SUPT3H: variants seen among roughly 807,000 people sequenced by gnomAD.
The protein encoded by SUPT3H is SPT3 homolog, SAGA and STAGA complex component, also known as transcription initiation protein SPT3 homolog.
SUPT3H carries 44 observed loss-of-function variants against 44.3 expected under a neutral mutation model. That is an observed-to-expected ratio of 0.99 (90% CI 0.78 to 1.28). The LOEUF (loss-of-function observed/expected upper bound fraction) is 1.28. Ranked by LOEUF, SUPT3H falls within the 50% of genes most tolerant of loss-of-function variation. The probability of loss-of-function intolerance (pLI) is 0.00; values close to 1 mark genes in which losing one functional copy is unlikely to be tolerated. For missense variants in SUPT3H, 380 were observed against 387.1 expected (o/e 0.98, Z 0.15); for synonymous variants, 124 against 125.6 (o/e 0.99, Z 0.09).
At chr6:45,018,797 T>C (rs1455784067) in intron 4 of SUPT3H, among the ~76,000 whole-genome samples, 1 of 151,928 alleles carries the variant, frequency 6.6e-6, no homozygotes, top group Non-Finnish European at 1.5e-5. Context: ...AGGATATTGG[T>C]CTAAAATTCT....
intron 2 of SUPT3H, among the ~76,000 whole-genome samples, chr6:45,249,034 G>A (rs1438797936): frequency 6.6e-6 from 1 of 152,052 alleles, no homozygotes; most frequent in Non-Finnish European, 1.5e-5. Context: ...TGCAATCTGG[G>A]AATTCTACTC....
intron 3 of SUPT3H, among the ~76,000 whole-genome samples, chr6:45,037,302 C>G (rs909207086): frequency 1.3e-5 from 2 of 148,322 alleles, no homozygotes; most frequent in East Asian, 3.9e-4. Flanking sequence ...AGAAAAGATG[C>G]AGAAAAAAAA....
intron 4 of SUPT3H, among the ~76,000 whole-genome samples, chr6:45,017,287 T>A (rs1489227969): frequency 6.8e-6 from 1 of 147,986 alleles, no homozygotes; most frequent in Non-Finnish European, 1.5e-5. Context: ...TTCTCCCATT[T>A]TGTAGGTTGC....
At position 45,366,692 on chromosome 6, in the gene SUPT3H, ATAAGT is replaced by A. The variant is rs369930061; in HGVS notation, c.1-1396_1-1392del. ...TAAACAAATACTAAGTAGCTTCTTT[ATAAGT>A]TGAGTTTTCACTGATGACATCACTA... On this transcript the variant is annotated intron_variant, in intron 1 of 10. Transcript: ENST00000371459. Among the ~76,000 whole-genome samples the A allele has an allele frequency of 8.5e-5, 13 of 152,296 alleles. No individual in the cohort carries two copies. The South Asian group carries it at 1.7e-3, about 19-fold the overall frequency.
chr6:45,084,668 T>C (rs1176537482), intron 3 of SUPT3H, among the ~76,000 whole-genome samples: 2 of 152,174 alleles, frequency 1.3e-5, no homozygotes, highest in African/African-American at 4.8e-5. Context: ...GCACTCATGT[T>C]CATCACAGCC....
intron 2 of SUPT3H, among the ~76,000 whole-genome samples, chr6:45,128,557 T>TATATATATATAC (rs1280920129): frequency 8.8e-5 from 5 of 56,742 alleles, no homozygotes; most frequent in East Asian, 4.5e-4. Flanking sequence ...TATATATATA[T>TATATATATATAC]ACACACACAC....
intron 1 of SUPT3H, 40 bp from the exon 2 acceptor site, chr6:45,365,341 AGCTAT>A (rs1794946792): frequency 1.1e-5 from 15 of 1,328,880 alleles, no homozygotes; most frequent in Non-Finnish European, 1.5e-5. Context: ...AAATGTACCT[AGCTAT>A]AAGTAAATGC....
intron 7 of SUPT3H, among the ~76,000 whole-genome samples, chr6:44,961,413 C>A (rs543245460): frequency 6.6e-6 from 1 of 152,122 alleles, no homozygotes; most frequent in South Asian, 2.1e-4. Flanking sequence ...CAAATGCAAT[C>A]AGAAATACTA....
chr6:45,210,540 T>C (rs546875580), intron 2 of SUPT3H, among the ~76,000 whole-genome samples: 1 of 152,322 alleles, frequency 6.6e-6, no homozygotes, highest in Admixed American at 6.5e-5. Flanking sequence ...TCTGCCTTTC[T>C]GGACAGAACT....
chr6:45,080,805 G>A (rs1795690376), intron 3 of SUPT3H, among the ~76,000 whole-genome samples: 1 of 151,986 alleles, frequency 6.6e-6, no homozygotes, highest in Admixed American at 6.6e-5. Context: ...GAGGTAAAGT[G>A]GGGATGGTTA....
intron 9 of SUPT3H, among the ~76,000 whole-genome samples, chr6:44,952,467 G>A (rs915413724): frequency 6.6e-6 from 1 of 152,100 alleles, no homozygotes; most frequent in South Asian, 2.1e-4. Flanking sequence ...TGTAATCAAG[G>A]TATGGCTATA....
At chr6:45,160,200 A>G (rs1328687208) in intron 2 of SUPT3H, among the ~76,000 whole-genome samples, 1 of 152,216 alleles carries the variant, frequency 6.6e-6, no homozygotes, top group East Asian at 1.9e-4. Context: ...TCAAAGAAAT[A>G]CAAACTCACT....
At chr6:45,166,880 G>A (rs1304979938) in intron 2 of SUPT3H, among the ~76,000 whole-genome samples, 2 of 152,168 alleles carry the variant, frequency 1.3e-5, no homozygotes, top group African/African-American at 4.8e-5. Context: ...AAGAGCAAGT[G>A]TTGACGAAGA....
At chr6:45,287,105 G>A (rs1489070668) in intron 2 of SUPT3H, among the ~76,000 whole-genome samples, 1 of 152,150 alleles carries the variant, frequency 6.6e-6, no homozygotes, top group East Asian at 1.9e-4. Flanking sequence ...GGTCGGAGGA[G>A]AGGGGAGGGA....
chr6:44,948,461 G>A (rs546914761), intron 9 of SUPT3H, among the ~76,000 whole-genome samples: 10 of 152,196 alleles, frequency 6.6e-5, no homozygotes, highest in South Asian at 4.2e-4. Flanking sequence ...GCAACCTACA[G>A]AATGGGAGAA....
At chr6:45,043,212 A>T (rs1272044042) in intron 3 of SUPT3H, among the ~76,000 whole-genome samples, 2 of 151,952 alleles carry the variant, frequency 1.3e-5, no homozygotes, top group African/African-American at 4.8e-5. Context: ...TTACAAAAAG[A>T]GTATAAAATC....
chr6:45,167,971 C>T (rs1446770484), intron 2 of SUPT3H, among the ~76,000 whole-genome samples: 1 of 152,004 alleles, frequency 6.6e-6, no homozygotes, highest in Non-Finnish European at 1.5e-5. Flanking sequence ...GCTACCATGT[C>T]TGGCTAATTT....
chr6:44,886,859 T>C (rs1182108488), intron 10 of SUPT3H, among the ~76,000 whole-genome samples: 3 of 152,168 alleles, frequency 2.0e-5, no homozygotes, highest in Admixed American at 6.5e-5. Context: ...CAGTGTGCTA[T>C]ATTCAGGAAA....
At chr6:45,294,667 C>G (rs1780836010) in intron 2 of SUPT3H, among the ~76,000 whole-genome samples, 1 of 144,864 alleles carries the variant, frequency 6.9e-6, no homozygotes, top group African/African-American at 2.6e-5. Flanking sequence ...ATCAGCACCT[C>G]TTCTGTACAC....
Sources: allele counts gnomAD v4.1 joint callset (sites outside exome capture counted in the v4.1 genomes callset), GRCh38; gene constraint gnomAD v4.1.1; transcripts MANE v1.5; gene names NCBI Gene and HGNC (gene_info 2026-07-23, HGNC 2026-07-21).